Variants in UBAP2 observed in about 807,000 individuals in gnomAD.
UBAP2 encodes the protein ubiquitin-associated protein 2.
A neutral mutation model predicts 139.6 loss-of-function variants in UBAP2; 75 were observed. The ratio of observed to expected loss-of-function variants is 0.54; its 90% CI spans 0.45 to 0.65. UBAP2 has a LOEUF of 0.65. Ranked by LOEUF, UBAP2 falls within the 30% of genes least tolerant of loss-of-function variation. The probability of loss-of-function intolerance (pLI) is 0.00; values close to 1 mark genes in which losing one functional copy is unlikely to be tolerated. For synonymous variants in UBAP2, 526 were observed against 526.2 expected (o/e 1.00, Z 0.01); for missense variants, 1,368 against 1,369.6 (o/e 1.00, Z 0.02).
chr9:33,929,134 A>C (rs139880777), intron 19 of UBAP2, among the ~76,000 whole-genome samples: 59 of 152,342 alleles, frequency 3.9e-4, no homozygotes, highest in African/African-American at 1.1e-3. Context: ...GGTTCTCACT[A>C]AGGAGGCAGA....
Position 34,021,769 on chromosome 9 carries a change from G to A in UBAP2, c.-41-4580C>T, listed in dbSNP as rs1422418624. On this transcript the variant is annotated intron_variant, in intron 1 of 28. Transcript: ENST00000379238. ...CTGTCTCAGCCTCCCAAGCAGCTGGGACTACAGACGCCTGCCACCACGCCC... is the reference window on the plus strand; with the variant it reads ...CTGTCTCAGCCTCCCAAGCAGCTGGAACTACAGACGCCTGCCACCACGCCC... 2.6e-5 allele frequency among the ~76,000 whole-genome samples: 4 copies of A among 152,052 alleles called. No homozygotes were observed. The South Asian group carries it at 6.2e-4, about 24-fold the overall frequency.
At chr9:33,962,553 G>T (rs550593979) in intron 9 of UBAP2, among the ~76,000 whole-genome samples, 1 of 152,152 alleles carries the variant, frequency 6.6e-6, no homozygotes, top group South Asian at 2.1e-4. Context: ...GGCTGAGGCA[G>T]GAGAATCGTT....
intron 6 of UBAP2, among the ~76,000 whole-genome samples, chr9:33,983,994 C>G (rs976791352): frequency 2.0e-5 from 3 of 152,028 alleles, no homozygotes; most frequent in South Asian, 2.1e-4. Context: ...TCACTGCAGC[C>G]TCCACTTCCC....
At position 34,019,890 on chromosome 9, in the gene UBAP2, G is replaced by A. The variant is rs148071932; in HGVS notation, c.-41-2701C>T. On this transcript the variant is annotated intron_variant, in intron 1 of 28. Coordinates refer to ENST00000379238, the MANE Select transcript of UBAP2 (RefSeq NM_001370062.2). ...CAAAAACAAATGTGCAGCCGGTCGCGGTGGCTCATATCTGTAATCCTAACA... is the reference window on the plus strand; with the variant it reads ...CAAAAACAAATGTGCAGCCGGTCGCAGTGGCTCATATCTGTAATCCTAACA... Among the ~76,000 whole-genome samples, 692 of 151,990 alleles carry A rather than the reference G, an allele frequency of 4.6e-3. 23 individuals are homozygous for A. Among genetic ancestry groups the A allele is most frequent in the Admixed American group, 0.04 (611 of 15,220 alleles).
chr9:33,981,228 T>TATATATATATATATATATTCTGG (rs1820720070), intron 6 of UBAP2, among the ~76,000 whole-genome samples: 1 of 103,888 alleles, frequency 9.6e-6, no homozygotes, highest in Non-Finnish European at 1.8e-5. Context: ...ATATTCTGGA[T>TATATATATATATATATATTCTGG]ATATATATAT....
intron 6 of UBAP2, among the ~76,000 whole-genome samples, chr9:33,979,006 G>GGGA (rs1405237165): frequency 6.6e-6 from 1 of 152,218 alleles, no homozygotes; most frequent in Non-Finnish European, 1.5e-5. Context: ...AGGAGGCCAA[G>GGGA]GGAGGAGGAC....
At chr9:33,952,988 G>A in intron 12 of UBAP2, 1 of 193,116 alleles carries the variant, frequency 5.2e-6, no homozygotes, top group Non-Finnish European at 1.1e-5. Context: ...TCCAACCTCA[G>A]CCTCCCAAGT....
At position 34,046,718 on chromosome 9, in the gene UBAP2, A is replaced by G. The variant is rs368897149; in HGVS notation, c.-42+2107T>C. Among the ~76,000 whole-genome samples, 3 of 151,260 alleles carry G rather than the reference A, an allele frequency of 2.0e-5. No individual in the cohort carries two copies. The East Asian group carries it at 5.8e-4, about 29-fold the overall frequency. On this transcript the variant is annotated intron_variant, in intron 1 of 28. Coordinates refer to ENST00000379238, the MANE Select transcript of UBAP2 (RefSeq NM_001370062.2). ...CTCCAAACCTTCAAGAAAGGTTTGT[A>G]CTTTCTACACATATTTTATACTTAA...
intron 11 of UBAP2, among the ~76,000 whole-genome samples, chr9:33,954,257 AGT>A (rs1316635921): frequency 4.1e-3 from 143 of 34,512 alleles, no homozygotes; most frequent in Middle Eastern, 0.037. Context: ...AATACATTTA[AGT>A]GTGTGTATAT....
chr9:33,943,546 G>A lies in UBAP2; in HGVS notation c.1589C>T (p.Thr530Ile), dbSNP rs1430736643. 2 of 1,614,028 alleles carry A rather than the reference G, an allele frequency of 1.2e-6. No homozygotes were observed. The highest frequency in any genetic ancestry group is 4.5e-5 in the East Asian group (2 of 44,898). The change falls in exon 15 of 29, where the codon ACA becomes ATA. Residue 530 changes from threonine to isoleucine, a missense_variant. By Grantham distance (89) the Thr-to-Ile change is moderately conservative (BLOSUM62 -1). Coordinates refer to ENST00000379238, the MANE Select transcript of UBAP2 (RefSeq NM_001370062.2). ...AVEMPGSADVTGLNVQFGALE... is the reference protein window; with the variant it reads ...AVEMPGSADVIGLNVQFGALE... ...AGCCCCAAACTGCACATTTAATCCTGTGACATCTGCTGAACCAGGCATTTC... is the reference window on the plus strand; with the variant it reads ...AGCCCCAAACTGCACATTTAATCCTATGACATCTGCTGAACCAGGCATTTC...
intron 1 of UBAP2, among the ~76,000 whole-genome samples, chr9:34,042,783 A>T (rs551875258): frequency 1.4e-4 from 21 of 150,652 alleles, no homozygotes; most frequent in South Asian, 1.3e-3. Context: ...TTTTTTTTTT[A>T]ATTTTACATA....
chr9:34,040,889 C>A (rs1363779576), intron 1 of UBAP2, among the ~76,000 whole-genome samples: 1 of 152,128 alleles, frequency 6.6e-6, no homozygotes, highest in Non-Finnish European at 1.5e-5. Context: ...GTTCAGCTGA[C>A]AAGCCTGAGA....
chr9:34,031,984 T>C (rs372292380), intron 1 of UBAP2, among the ~76,000 whole-genome samples: 1 of 151,894 alleles, frequency 6.6e-6, no homozygotes, highest in South Asian at 2.1e-4. Flanking sequence ...TACTAAAAAA[T>C]ACATTTAAAA....
chr9:33,973,672 A>G (rs1471622035), intron 6 of UBAP2, among the ~76,000 whole-genome samples: 1 of 152,360 alleles, frequency 6.6e-6, no homozygotes, highest in South Asian at 2.1e-4. Context: ...AATGGCAGCA[A>G]GCATGAGAAC....
chr9:33,927,148 CAGG>C, intron 20 of UBAP2, 68 bp from the exon 21 acceptor site: 1 of 1,240,492 alleles, frequency 8.1e-7, no homozygotes, highest in Non-Finnish European at 1.1e-6. Flanking sequence ...TCAGCTGCTT[CAGG>C]AGGAGGCACA....
rs1017244690 is a variant in UBAP2, at chr9:33,935,932, TG to T, written c.1930-55del. The T allele has an allele frequency of 1.9e-6, 3 of 1,550,890 alleles. No homozygotes were observed. The African/African-American group carries it at 4.1e-5, about 21-fold the overall frequency. ...AAACTTACAAAATGAAATCATTACCTGAGTGGCTTTTTATACTTTCTACAAC... is the reference window on the plus strand; with the variant it reads ...AAACTTACAAAATGAAATCATTACCTAGTGGCTTTTTATACTTTCTACAAC... On this transcript the variant is annotated intron_variant, in intron 16 of 28. Coordinates refer to ENST00000379238, the MANE Select transcript of UBAP2 (RefSeq NM_001370062.2).
In UBAP2 at chr9:33,922,327, AATAC is replaced by A; in HGVS notation, c.*173_*176del. The A allele has an allele frequency of 1.6e-6, 1 of 640,568 alleles. No homozygotes were observed. The highest frequency in any genetic ancestry group is 2.7e-6 in the Non-Finnish European group (1 of 368,036). 39.7% of individuals were successfully genotyped at this position (640,568 alleles called of 1,614,324 possible). A position where few individuals can be genotyped will look rare whatever the true frequency, so the allele number is the denominator to read the frequency against. ...CCCCCAGACTTCTATCACATTTACAAATACATACATAAATACATTACATACAGTA... is the reference window on the plus strand; with the variant it reads ...CCCCCAGACTTCTATCACATTTACAAATACATAAATACATTACATACAGTA... On this transcript the variant is annotated 3_prime_UTR_variant, in exon 29 of 29. Transcript: ENST00000379238.
intron 22 of UBAP2, among the ~76,000 whole-genome samples, chr9:33,925,953 A>G (rs1234936367): frequency 6.6e-6 from 1 of 152,188 alleles, no homozygotes; most frequent in Non-Finnish European, 1.5e-5. Flanking sequence ...GAGCGGGCCT[A>G]TTCCCCTCTG....
intron 17 of UBAP2, chr9:33,935,174 G>A (rs78613583): frequency 2.5e-5 from 3 of 119,354 alleles, no homozygotes; most frequent in Non-Finnish European, 5.7e-5. Flanking sequence ...GGGGGGGGGG[G>A]GTCTCATTTT....
Sources: allele counts gnomAD v4.1 joint callset (sites outside exome capture counted in the v4.1 genomes callset), GRCh38; gene constraint gnomAD v4.1.1; transcripts MANE v1.5; gene names NCBI Gene and HGNC (gene_info 2026-07-23, HGNC 2026-07-21).